SEPTIN2: variants seen among roughly 807,000 people sequenced by gnomAD.
The protein encoded by SEPTIN2 is septin-2.
Under a neutral mutation model 46.5 loss-of-function variants are expected in SEPTIN2, and 34 were observed. That is an observed-to-expected ratio of 0.73 (90% confidence interval 0.56 to 0.97). The LOEUF (loss-of-function observed/expected upper bound fraction) is 0.97. Among genes scored for constraint, SEPTIN2 ranks in the 50% least tolerant of loss-of-function variants. SEPTIN2 has a pLI of 0.00. For missense variants in SEPTIN2, 347 were observed against 448.4 expected (o/e 0.77, Z 2.04); for synonymous variants, 175 against 153.4 (o/e 1.14, Z -1.04).
At chr2:241,348,446 G>A (rs1156819119) in intron 11 of SEPTIN2, among the ~76,000 whole-genome samples, 1 of 152,144 alleles carries the variant, frequency 6.6e-6, no homozygotes, top group Non-Finnish European at 1.5e-5. Context: ...GGCCAGGCTG[G>A]TCTCGAACTC....
At chr2:241,325,390 C>G (rs559936076) in intron 2 of SEPTIN2, 1 of 152,314 alleles carries the variant, frequency 6.6e-6, no homozygotes, top group African/African-American at 2.4e-5. Context: ...TCTTCTCATT[C>G]TGTCTTTTCT....
At chr2:241,336,569 G>A (rs1451981187) in intron 5 of SEPTIN2, among the ~76,000 whole-genome samples, 1 of 152,098 alleles carries the variant, frequency 6.6e-6, no homozygotes, top group Non-Finnish European at 1.5e-5. Context: ...ACTCCCTCCT[G>A]GTTCTATTCC....
At chr2:241,331,715 T>C (rs920862392) in intron 3 of SEPTIN2, among the ~76,000 whole-genome samples, 3 of 152,194 alleles carry the variant, frequency 2.0e-5, no homozygotes, top group African/African-American at 7.2e-5. Flanking sequence ...AAATAAAAAT[T>C]AACAAGCTGA....
At chr2:241,332,383 A>G (rs954998315) in intron 3 of SEPTIN2, among the ~76,000 whole-genome samples, 1 of 152,206 alleles carries the variant, frequency 6.6e-6, no homozygotes, top group African/African-American at 2.4e-5. Flanking sequence ...ACATTTCACT[A>G]AGGAAGATAA....
At chr2:241,316,912 C>T (rs2076397664) in intron 1 of SEPTIN2, 1 of 182,686 alleles carries the variant, frequency 5.5e-6, no homozygotes, top group Admixed American at 6.2e-5. Flanking sequence ...TAGATTTCCT[C>T]CAGACAGGCT....
rs142515400 is a variant in SEPTIN2 at position 241,332,275 on chromosome 2, A to G, written c.131-2851A>G. Among the ~76,000 whole-genome samples, 91 of 152,376 alleles carry G rather than the reference A, an allele frequency of 6.0e-4. 1 individual carries two copies. In the East Asian group the frequency reaches 0.016, roughly 27 times the overall value. ...ACTCAGAAAGTATTCATAGTACCAT[A>G]TCTGACAAAGGATATGTGTCCAGAA... On this transcript the variant is annotated intron_variant, in intron 3 of 12. Transcript: ENST00000391971.
chr2:241,329,506 T>A (rs1559614130), intron 3 of SEPTIN2, among the ~76,000 whole-genome samples: 2 of 152,160 alleles, frequency 1.3e-5, no homozygotes, highest in Non-Finnish European at 2.9e-5. Context: ...ACAAGAAAAC[T>A]ACAGACTAAT....
chr2:241,339,228 T>TA (rs1182287939), intron 7 of SEPTIN2, among the ~76,000 whole-genome samples: 1 of 150,916 alleles, frequency 6.6e-6, no homozygotes. Context: ...ACTCCGTCTC[T>TA]AAAAAATTAC....
chr2:241,324,179 T>C (rs1476242828), intron 1 of SEPTIN2, 37 bp from the exon 2 acceptor site: 1 of 1,601,906 alleles, frequency 6.2e-7, no homozygotes, highest in Non-Finnish European at 8.5e-7. Context: ...ACTATGTATG[T>C]GCGTTTATGT....
intron 7 of SEPTIN2, among the ~76,000 whole-genome samples, chr2:241,338,261 T>C (rs962906096): frequency 2.0e-5 from 3 of 152,170 alleles, no homozygotes; most frequent in African/African-American, 7.2e-5. Context: ...GTCCCAGTTT[T>C]AGTGCCTCTT....
intron 3 of SEPTIN2, among the ~76,000 whole-genome samples, chr2:241,329,415 C>T (rs113385556): frequency 6.8e-6 from 1 of 147,316 alleles, no homozygotes; most frequent in African/African-American, 2.6e-5. Flanking sequence ...ATAAATCTTA[C>T]ACAGACATCT....
chr2:241,324,388 C>CT (rs5839771), intron 2 of SEPTIN2, 147 bp downstream of exon 2: 4,267 of 453,122 alleles, frequency 9.4e-3, no homozygotes, highest in South Asian at 0.017. Context: ...ATTTAGTTGT[C>CT]TTTTTTTTTT....
At chr2:241,315,674 A>C (rs2076059437), upstream of SEPTIN2, 1 of 151,206 alleles carries the variant, frequency 6.6e-6, no homozygotes, top group Non-Finnish European at 1.5e-5. Flanking sequence ...GCTACGCTTG[A>C]CCTCCCCCCC....
chr2:241,318,234 C>T (rs2076658307), intron 1 of SEPTIN2: 1 of 152,044 alleles, frequency 6.6e-6, no homozygotes, highest in Non-Finnish European at 1.5e-5. Context: ...TATGTGTGCA[C>T]AGGGTTCAGT....
intron 10 of SEPTIN2, among the ~76,000 whole-genome samples, chr2:241,347,063 C>T (rs2060309274): frequency 6.6e-6 from 1 of 152,172 alleles, no homozygotes; most frequent in South Asian, 2.1e-4. Context: ...GAGACCGGCC[C>T]TGGCAACATA....
At chr2:241,327,027 C>A (rs1355579584) in intron 3 of SEPTIN2, among the ~76,000 whole-genome samples, 2 of 120,694 alleles carry the variant, frequency 1.7e-5, no homozygotes, top group Admixed American at 1.1e-4. Flanking sequence ...AAGCCTCAAG[C>A]CTGGGTGAAT....
At chr2:241,325,936 T>A (rs989259144) in intron 2 of SEPTIN2, 57 bp from the exon 3 acceptor site, 7 of 1,517,498 alleles carry the variant, frequency 4.6e-6, no homozygotes, top group Non-Finnish European at 6.3e-6. Flanking sequence ...ACTGATTATA[T>A]CTTAAAAGCA....
chr2:241,327,943 C>G (rs2078274606), intron 3 of SEPTIN2, among the ~76,000 whole-genome samples: 1 of 152,132 alleles, frequency 6.6e-6, no homozygotes, highest in Non-Finnish European at 1.5e-5. Flanking sequence ...GTCACAGCTA[C>G]TTGAGAGGCT....
At chr2:241,321,389 T>C (rs1424792820) in intron 1 of SEPTIN2, among the ~76,000 whole-genome samples, 4 of 152,240 alleles carry the variant, frequency 2.6e-5, no homozygotes, top group Non-Finnish European at 5.9e-5. Context: ...TTTATCATTA[T>C]AGCTTGTTAT....
Sources: allele counts gnomAD v4.1 joint callset (sites outside exome capture counted in the v4.1 genomes callset), GRCh38; gene constraint gnomAD v4.1.1; transcripts MANE v1.5; gene names NCBI Gene and HGNC (gene_info 2026-07-23, HGNC 2026-07-21).